Variants in TRPC4 observed in about 807,000 individuals in gnomAD.
TRPC4 encodes the protein transient receptor potential cation channel subfamily C member 4, also known as short transient receptor potential channel 4.
In TRPC4, 49 loss-of-function variants were observed where a neutral mutation model predicts 99.4. That is an observed-to-expected ratio of 0.49 (90% CI 0.39 to 0.63). TRPC4 has a LOEUF of 0.63. Ranked by LOEUF, TRPC4 falls within the 20% of genes least tolerant of loss-of-function variation. The pLI is 0.00. For synonymous variants in TRPC4, 454 were observed against 425.9 expected (o/e 1.07, Z -0.81); for missense variants, 898 against 1,152.9 (o/e 0.78, Z 3.20).
chr13:37,848,720 G>A (rs1958977506), intron 1 of TRPC4, among the ~76,000 whole-genome samples: 1 of 152,136 alleles, frequency 6.6e-6, no homozygotes, highest in Non-Finnish European at 1.5e-5. Context: ...GCAGACCAGG[G>A]AAATCTGTGA....
intron 1 of TRPC4, among the ~76,000 whole-genome samples, chr13:37,850,785 G>C (rs1959033191): frequency 6.6e-6 from 1 of 152,048 alleles, no homozygotes; most frequent in Non-Finnish European, 1.5e-5. Context: ...AGCTAGCTAG[G>C]ACTTGTGGAG....
chr13:37,825,404 G>A (rs1412606970), intron 1 of TRPC4, among the ~76,000 whole-genome samples: 2 of 151,518 alleles, frequency 1.3e-5, no homozygotes, highest in African/African-American at 2.4e-5. Context: ...TCTCTTGTGG[G>A]CATTTAGTGC....
intron 2 of TRPC4, among the ~76,000 whole-genome samples, chr13:37,773,854 T>A (rs765680881): frequency 5.2e-4 from 79 of 151,830 alleles, no homozygotes; most frequent in Non-Finnish European, 1.0e-3. Flanking sequence ...TTTGAAATTA[T>A]GTATTATGTT....
At chr13:37,763,810 G>A (rs1956287500) in intron 2 of TRPC4, among the ~76,000 whole-genome samples, 1 of 151,710 alleles carries the variant, frequency 6.6e-6, no homozygotes, top group Non-Finnish European at 1.5e-5. Context: ...GTATGCGTGG[G>A]TGCTAGATAG....
intron 1 of TRPC4, among the ~76,000 whole-genome samples, chr13:37,861,705 T>G (rs1322764966): frequency 6.6e-6 from 1 of 151,558 alleles, no homozygotes; most frequent in African/African-American, 2.4e-5. Flanking sequence ...CCAAGTAGCT[T>G]GCACATTACA....
rs572827504 is a variant in TRPC4, at chr13:37,836,369, C to T, written c.-28+33226G>A. On this transcript the variant is annotated intron_variant, in intron 1 of 10. Transcript: ENST00000379705. ...GAAGAGGTTGGGACAGTTTGGGGGG[C>T]TCAGAATACAGGAAAATATGGGAAA... Among the ~76,000 whole-genome samples the T allele has an allele frequency of 3.9e-5, 6 of 152,192 alleles. No homozygotes were observed. The East Asian group carries it at 9.7e-4, about 25-fold the overall frequency.
At chr13:37,730,421 C>T (rs76959787) in intron 3 of TRPC4, among the ~76,000 whole-genome samples, 2,282 of 151,928 alleles carry the variant, frequency 0.015, 45 homozygotes, top group African/African-American at 0.052. Flanking sequence ...CTCATGAATT[C>T]CTATGTTGAT....
At chr13:37,808,982 T>C (rs1014711389) in intron 1 of TRPC4, among the ~76,000 whole-genome samples, 5 of 152,126 alleles carry the variant, frequency 3.3e-5, no homozygotes, top group African/African-American at 1.2e-4. Context: ...CAGTTTTTCT[T>C]TCAAAAGGGG....
chr13:37,822,568 A>G (rs1958047778), intron 1 of TRPC4, among the ~76,000 whole-genome samples: 1 of 151,226 alleles, frequency 6.6e-6, no homozygotes, highest in Non-Finnish European at 1.5e-5. Context: ...ATGATTTCCA[A>G]TTTCATCCAT....
At chr13:37,756,468 A>G (rs189290593) in intron 2 of TRPC4, among the ~76,000 whole-genome samples, 2 of 152,266 alleles carry the variant, frequency 1.3e-5, no homozygotes, top group Non-Finnish European at 2.9e-5. Flanking sequence ...GGATAAGAGA[A>G]AAGACTTGTG....
chr13:37,734,955 G>A (rs999815327), intron 3 of TRPC4, among the ~76,000 whole-genome samples: 1 of 152,020 alleles, frequency 6.6e-6, no homozygotes, highest in African/African-American at 2.4e-5. Flanking sequence ...ACACTCCAAA[G>A]GAGAAAGGGA....
intron 2 of TRPC4, among the ~76,000 whole-genome samples, chr13:37,768,672 GCA>G (rs869159806): frequency 7.3e-6 from 1 of 136,882 alleles, no homozygotes; most frequent in African/African-American, 3.0e-5. Context: ...GAACACACAC[GCA>G]CACACACACA....
chr13:37,773,011 T>C (rs994861207), intron 2 of TRPC4, among the ~76,000 whole-genome samples: 4 of 151,754 alleles, frequency 2.6e-5, no homozygotes, highest in Non-Finnish European at 5.9e-5. Context: ...CTAAGAGGAA[T>C]TGAGAAAATC....
chr13:37,834,232 A>T (rs1958499772), intron 1 of TRPC4, among the ~76,000 whole-genome samples: 2 of 152,222 alleles, frequency 1.3e-5, no homozygotes, highest in Admixed American at 1.3e-4. Flanking sequence ...TACAATATTG[A>T]CAAAACATTT....
At chr13:37,795,450 T>C (rs1271491063) in intron 1 of TRPC4, among the ~76,000 whole-genome samples, 1 of 152,162 alleles carries the variant, frequency 6.6e-6, no homozygotes, top group Non-Finnish European at 1.5e-5. Context: ...GTCTTCAGTT[T>C]AGACATGAGC....
At chr13:37,707,950 T>A (rs889861740) in intron 3 of TRPC4, among the ~76,000 whole-genome samples, 2 of 152,242 alleles carry the variant, frequency 1.3e-5, no homozygotes, top group Non-Finnish European at 2.9e-5. Flanking sequence ...ACTTTGGACA[T>A]CTTCTTGGAC....
At chr13:37,709,470 G>A (rs1198017299) in intron 3 of TRPC4, among the ~76,000 whole-genome samples, 4 of 151,898 alleles carry the variant, frequency 2.6e-5, no homozygotes, top group African/African-American at 7.2e-5. Context: ...AATGGGAAGG[G>A]CACAATTTTA....
chr13:37,788,498 C>T (rs756278300), intron 1 of TRPC4, among the ~76,000 whole-genome samples: 22 of 152,008 alleles, frequency 1.4e-4, no homozygotes, highest in African/African-American at 2.9e-4. Flanking sequence ...TCAAGTCTTA[C>T]GAGTTTTCAG....
chr13:37,785,874 T>C (rs1956957711), intron 1 of TRPC4, among the ~76,000 whole-genome samples: 1 of 152,060 alleles, frequency 6.6e-6, no homozygotes, highest in Admixed American at 6.6e-5. Context: ...AAATTAAGCT[T>C]ACTAATATCT....
Sources: allele counts gnomAD v4.1 joint callset (sites outside exome capture counted in the v4.1 genomes callset), GRCh38; gene constraint gnomAD v4.1.1; transcripts MANE v1.5; gene names NCBI Gene and HGNC (gene_info 2026-07-23, HGNC 2026-07-21).